Variants in HS6ST3 observed in about 807,000 individuals in gnomAD.
The protein encoded by HS6ST3 is heparan-sulfate 6-O-sulfotransferase 3.
Under a neutral mutation model 36.7 loss-of-function variants are expected in HS6ST3, and 12 were observed. The ratio of observed to expected loss-of-function variants is 0.33; its 90% confidence interval spans 0.21 to 0.53. The LOEUF is 0.53. Among genes scored for constraint, HS6ST3 ranks in the 20% least tolerant of loss-of-function variants. The pLI, the probability that HS6ST3 is intolerant of heterozygous loss-of-function variation, is 0.95. For missense variants in HS6ST3, 584 were observed against 640.9 expected (o/e 0.91, Z 0.96); for synonymous variants, 240 against 257.5 (o/e 0.93, Z 0.65).
At chr13:96,343,457 C>T (rs950306924) in intron 1 of HS6ST3, among the ~76,000 whole-genome samples, 1 of 152,112 alleles carries the variant, frequency 6.6e-6, no homozygotes, top group Non-Finnish European at 1.5e-5. Flanking sequence ...ACTCTGACCT[C>T]CTTCTTCTAC....
At chr13:96,312,293 A>C (rs2054945320) in intron 1 of HS6ST3, among the ~76,000 whole-genome samples, 1 of 152,210 alleles carries the variant, frequency 6.6e-6, no homozygotes, top group African/African-American at 2.4e-5. Flanking sequence ...TATTTGAATT[A>C]TGAGTTATTT....
chr13:96,563,344 G>A (rs1053992023), intron 1 of HS6ST3, among the ~76,000 whole-genome samples: 5 of 152,186 alleles, frequency 3.3e-5, no homozygotes, highest in East Asian at 1.9e-4. Context: ...TATCATAGGC[G>A]GTTACAGAGT....
Position 96,673,661 on chromosome 13 carries a change from C to T in HS6ST3, c.708-158829C>T, listed in dbSNP as rs117428583. Among the ~76,000 whole-genome samples, 101 of 152,146 alleles carry T rather than the reference C, an allele frequency of 6.6e-4. 1 individual carries two copies. In the East Asian group the frequency reaches 0.018, roughly 27 times the overall value. ...GTTCTCCTAGGTGGATTCCCTAATT[C>T]ACTTAAATCTTCTGTTGTGTTTTCT... On this transcript the variant is annotated intron_variant, in intron 1 of 1. Coordinates refer to ENST00000376705, the MANE Select transcript of HS6ST3 (RefSeq NM_153456.4).
At chr13:96,168,614 G>A (rs1156752475) in intron 1 of HS6ST3, among the ~76,000 whole-genome samples, 2 of 151,696 alleles carry the variant, frequency 1.3e-5, no homozygotes, top group Middle Eastern at 3.4e-3. Context: ...TAAGGCAGGA[G>A]GATTGCTAGA....
At chr13:96,121,916 G>C (rs1334295569) in intron 1 of HS6ST3, among the ~76,000 whole-genome samples, 2 of 151,934 alleles carry the variant, frequency 1.3e-5, no homozygotes, top group African/African-American at 4.8e-5. Flanking sequence ...ATGAGAAAAG[G>C]GTTATCATTA....
At chr13:96,185,084 A>G (rs1241681381) in intron 1 of HS6ST3, among the ~76,000 whole-genome samples, 4 of 152,250 alleles carry the variant, frequency 2.6e-5, no homozygotes, top group Non-Finnish European at 1.5e-5. Context: ...GTGTATTTGT[A>G]GTTTGTTCCA....
chr13:96,300,530 A>T (rs753655933), intron 1 of HS6ST3, among the ~76,000 whole-genome samples: 2 of 152,146 alleles, frequency 1.3e-5, no homozygotes, highest in Non-Finnish European at 2.9e-5. Flanking sequence ...ACCATATCAG[A>T]AGTCTTACTA....
chr13:96,240,389 G>A (rs891753867), intron 1 of HS6ST3, among the ~76,000 whole-genome samples: 6 of 152,076 alleles, frequency 3.9e-5, no homozygotes, highest in African/African-American at 1.2e-4. Context: ...AGAGAAATAA[G>A]CTTTAGTACT....
chr13:96,386,187 CA>C (rs1380211367), intron 1 of HS6ST3, among the ~76,000 whole-genome samples: 6 of 152,210 alleles, frequency 3.9e-5, no homozygotes, highest in Non-Finnish European at 5.9e-5. Context: ...GGCGAAGCAA[CA>C]AGATTGATTT....
chr13:96,100,740 G>A (rs997520382), intron 1 of HS6ST3, among the ~76,000 whole-genome samples: 2 of 152,200 alleles, frequency 1.3e-5, no homozygotes, highest in Non-Finnish European at 2.9e-5. Context: ...GGGCAAGAGA[G>A]CTGATGCATT....
intron 1 of HS6ST3, among the ~76,000 whole-genome samples, chr13:96,341,625 C>T (rs1036303833): frequency 6.6e-6 from 1 of 152,054 alleles, no homozygotes; most frequent in Non-Finnish European, 1.5e-5. Context: ...ACATAACTAC[C>T]TGGGGTGTCC....
chr13:96,570,690 G>A lies in HS6ST3; in HGVS notation c.708-261800G>A, dbSNP rs115006911. 6.3e-3 allele frequency among the ~76,000 whole-genome samples: 959 copies of A among 152,320 alleles called. 15 individuals are homozygous for A. Among genetic ancestry groups the A allele is most frequent in the African/African-American group, 0.022 (923 of 41,562 alleles). On this transcript the variant is annotated intron_variant, in intron 1 of 1. Transcript: ENST00000376705. ...GGGGGCAAGATGTGGAAAGCATGTTGGCAGGGGTAAAAAGTAAAGTACGGG... is the reference window on the plus strand; with the variant it reads ...GGGGGCAAGATGTGGAAAGCATGTTAGCAGGGGTAAAAAGTAAAGTACGGG...
intron 1 of HS6ST3, among the ~76,000 whole-genome samples, chr13:96,130,385 A>G (rs2053970025): frequency 6.6e-6 from 1 of 152,192 alleles, no homozygotes; most frequent in Admixed American, 6.5e-5. Flanking sequence ...GAGTTGACCT[A>G]GAAGGAACTG....
chr13:96,221,453 A>G (rs2054455054), intron 1 of HS6ST3, among the ~76,000 whole-genome samples: 1 of 152,212 alleles, frequency 6.6e-6, no homozygotes, highest in South Asian at 2.1e-4. Context: ...CTTGAGAACA[A>G]TGCTCATGGT....
chr13:96,829,472 C>T (rs371944714), intron 1 of HS6ST3, among the ~76,000 whole-genome samples: 105 of 152,232 alleles, frequency 6.9e-4, no homozygotes, highest in African/African-American at 2.3e-3. Context: ...CTGATCCTCT[C>T]CCTCCTCGCA....
At chr13:96,502,260 G>A (rs1195186841) in intron 1 of HS6ST3, among the ~76,000 whole-genome samples, 4 of 151,854 alleles carry the variant, frequency 2.6e-5, no homozygotes, top group Non-Finnish European at 4.4e-5. Context: ...CAGGCAATCA[G>A]TAAGTATTAA....
intron 1 of HS6ST3, among the ~76,000 whole-genome samples, chr13:96,146,516 A>G (rs1002833398): frequency 2.0e-5 from 3 of 152,184 alleles, no homozygotes; most frequent in Admixed American, 2.0e-4. Flanking sequence ...AAAAAAGAAT[A>G]TTTGAATATA....
At chr13:96,131,935 C>T (rs1241450622) in intron 1 of HS6ST3, among the ~76,000 whole-genome samples, 1 of 151,846 alleles carries the variant, frequency 6.6e-6, no homozygotes, top group African/African-American at 2.4e-5. Context: ...TTATATGGTA[C>T]TCTACTTTTT....
chr13:96,170,335 A>G (rs987447742), intron 1 of HS6ST3, among the ~76,000 whole-genome samples: 2 of 152,248 alleles, frequency 1.3e-5, no homozygotes, highest in African/African-American at 4.8e-5. Flanking sequence ...GACGCAGTTA[A>G]TAAGTGGTCA....
Sources: allele counts gnomAD v4.1 joint callset (sites outside exome capture counted in the v4.1 genomes callset), GRCh38; gene constraint gnomAD v4.1.1; transcripts MANE v1.5; gene names NCBI Gene and HGNC (gene_info 2026-07-23, HGNC 2026-07-21).